The following LHFPL3 variants were observed in gnomAD, a reference collection of about 807,000 sequenced individuals.
The protein encoded by LHFPL3 is LHFPL tetraspan subfamily member 3.
LHFPL3 carries 5 observed loss-of-function variants against 19.3 expected under a neutral mutation model. The ratio of observed to expected loss-of-function variants is 0.26; its 90% CI spans 0.14 to 0.54. The LOEUF is 0.54. Ranked by LOEUF, LHFPL3 falls within the 20% of genes least tolerant of loss-of-function variation. The pLI is 0.94. For synonymous variants in LHFPL3, 133 were observed against 126.2 expected, an observed-to-expected ratio of 1.05 and a Z score of -0.36; for missense variants, 249 against 307.4, an observed-to-expected ratio of 0.81 and a Z score of 1.42.
At chr7:104,640,872 CAATT>C (rs1186692244) in intron 1 of LHFPL3, among the ~76,000 whole-genome samples, 1 of 152,170 alleles carries the variant, frequency 6.6e-6, no homozygotes, top group African/African-American at 2.4e-5. Context: ...AGTTAACTCT[CAATT>C]AATCTATTAA....
At chr7:104,383,124 C>T (rs1790861684) in intron 1 of LHFPL3, among the ~76,000 whole-genome samples, 1 of 152,262 alleles carries the variant, frequency 6.6e-6, no homozygotes, top group Non-Finnish European at 1.5e-5. Flanking sequence ...CCAACAGTGA[C>T]AACTCATGAG....
intron 1 of LHFPL3, chr7:104,668,800 G>T (rs1297231019): frequency 4.3e-6 from 7 of 1,609,298 alleles, no homozygotes; most frequent in Non-Finnish European, 5.1e-6. Flanking sequence ...GTAACTCCCA[G>T]TCCACTCGAG....
chr7:104,898,289 A>C (rs10266362), intron 2 of LHFPL3, among the ~76,000 whole-genome samples: 1 of 151,836 alleles, frequency 6.6e-6, no homozygotes, highest in Non-Finnish European at 1.5e-5. Context: ...TTACAAGTGT[A>C]AGCCACTGTG....
chr7:104,358,289 G>T (rs2116403566), intron 1 of LHFPL3, among the ~76,000 whole-genome samples: 1 of 152,296 alleles, frequency 6.6e-6, no homozygotes, highest in Non-Finnish European at 1.5e-5. Context: ...CTTTAAAATG[G>T]TTAAAATGTA....
chr7:104,758,645 A>C lies in LHFPL3; in HGVS notation c.682+21734A>C, dbSNP rs190428045. Among the ~76,000 whole-genome samples the C allele has an allele frequency of 1.7e-3, 256 of 152,292 alleles. 1 individual carries two copies. The highest frequency in any genetic ancestry group is 7.1e-3 in the Admixed American group (109 of 15,290). On this transcript the variant is annotated intron_variant, in intron 2 of 2. Coordinates refer to ENST00000424859, the MANE Select transcript of LHFPL3 (RefSeq NM_199000.3). ...CTGAAGTGAAAGAATGATATTACTC[A>C]TGCAATTTTTCAGGCATAGAGTCAT...
intron 1 of LHFPL3, among the ~76,000 whole-genome samples, chr7:104,696,786 C>T (rs532096461): frequency 4.6e-5 from 7 of 152,088 alleles, no homozygotes; most frequent in South Asian, 2.1e-4. Context: ...AATTTTTTTG[C>T]GGAGTTGGAT....
chr7:104,369,421 G>A (rs1790566905), intron 1 of LHFPL3, among the ~76,000 whole-genome samples: 1 of 152,130 alleles, frequency 6.6e-6, no homozygotes, highest in South Asian at 2.1e-4. Context: ...TTTCATTACT[G>A]AATAGAATTT....
intron 1 of LHFPL3, among the ~76,000 whole-genome samples, chr7:104,441,615 C>T (rs1021891106): frequency 3.3e-5 from 5 of 152,208 alleles, no homozygotes; most frequent in South Asian, 2.1e-4. Context: ...CTTGCCCTGT[C>T]GCCCAAGCTG....
At chr7:104,867,726 T>G (rs1396930888) in intron 2 of LHFPL3, among the ~76,000 whole-genome samples, 1 of 152,176 alleles carries the variant, frequency 6.6e-6, no homozygotes, top group Admixed American at 6.5e-5. Flanking sequence ...TAACTCATTT[T>G]ATGAGGCCAG....
intron 1 of LHFPL3, among the ~76,000 whole-genome samples, chr7:104,483,731 T>G (rs1327334709): frequency 6.6e-6 from 1 of 152,174 alleles, no homozygotes; most frequent in Non-Finnish European, 1.5e-5. Flanking sequence ...TCCTCCCACC[T>G]CAGCCTCCTG....
At chr7:104,867,628 C>T (rs958166875) in intron 2 of LHFPL3, among the ~76,000 whole-genome samples, 1 of 152,300 alleles carries the variant, frequency 6.6e-6, no homozygotes, top group East Asian at 1.9e-4. Flanking sequence ...GATGGAGTCA[C>T]AGCTGAATTC....
chr7:104,854,235 G>A (rs1391289239), intron 2 of LHFPL3, among the ~76,000 whole-genome samples: 1 of 151,822 alleles, frequency 6.6e-6, no homozygotes, highest in Non-Finnish European at 1.5e-5. Flanking sequence ...GCCAGTTAGA[G>A]GGAGGTGACC....
intron 1 of LHFPL3, among the ~76,000 whole-genome samples, chr7:104,340,492 T>A (rs955089206): frequency 2.0e-5 from 3 of 152,164 alleles, no homozygotes; most frequent in Non-Finnish European, 4.4e-5. Flanking sequence ...CAAAAAAATG[T>A]TAGCTATGAT....
At chr7:104,775,119 C>T (rs750289243) in intron 2 of LHFPL3, among the ~76,000 whole-genome samples, 5 of 152,170 alleles carry the variant, frequency 3.3e-5, no homozygotes, top group African/African-American at 9.7e-5. Flanking sequence ...TGACTGGGCA[C>T]GGTGGCTCAT....
intron 1 of LHFPL3, among the ~76,000 whole-genome samples, chr7:104,613,601 C>T (rs1791250116): frequency 6.6e-6 from 1 of 152,126 alleles, no homozygotes; most frequent in South Asian, 2.1e-4. Context: ...GCAACACCAA[C>T]CCATCTACCC....
chr7:104,413,206 C>T (rs1791564990), intron 1 of LHFPL3, among the ~76,000 whole-genome samples: 2 of 152,150 alleles, frequency 1.3e-5, no homozygotes, highest in Admixed American at 1.3e-4. Context: ...AGAGTGAGAC[C>T]CCAGGTAGTG....
rs746602578 is a variant in LHFPL3, at chr7:104,478,862, CTGAG to C, written c.445+149640_445+149643del. The stretch of plus-strand genomic sequence containing the variant: ...GTCATGTGGACACAGTGAGCACTGA[CTGAG>C]TATTAGGCAGTACCAGGACAACATT... On this transcript the variant is annotated intron_variant, in intron 1 of 2. Transcript: ENST00000424859. Among the ~76,000 whole-genome samples, 13 of 152,182 alleles carry C rather than the reference CTGAG, an allele frequency of 8.5e-5. No homozygotes were observed. The East Asian group carries it at 9.6e-4, about 11-fold the overall frequency.
At chr7:104,808,017 A>C (rs1338378135) in intron 2 of LHFPL3, among the ~76,000 whole-genome samples, 2 of 152,216 alleles carry the variant, frequency 1.3e-5, no homozygotes, top group African/African-American at 4.8e-5. Context: ...ACTATACTCC[A>C]TCTCGGCTGA....
At position 104,495,149 on chromosome 7, in the gene LHFPL3, C is replaced by A. The variant is rs1793436196; in HGVS notation, c.445+165925C>A. ...AATTTCTTCCTCAGAGAAGGTTCAA[C>A]CCCTTCCCCTTCCAACCCCCACTAG... On this transcript the variant is annotated intron_variant, in intron 1 of 2. Transcript: ENST00000424859. 2.0e-5 allele frequency among the ~76,000 whole-genome samples: 3 copies of A among 152,176 alleles called. No individual in the cohort carries two copies. In the South Asian group the frequency reaches 6.2e-4, roughly 32 times the overall value.
Sources: gnomAD v4.1 joint callset for allele counts (sites outside exome capture counted in the v4.1 genomes callset) on GRCh38, gnomAD v4.1.1 for gene constraint, MANE v1.5 for transcripts, NCBI Gene and HGNC (gene_info 2026-07-23, HGNC 2026-07-21) for gene names.